Variants in HDAC9 observed in about 807,000 individuals in gnomAD.
HDAC9 encodes MEF-2 interacting transcription repressor (MITR) protein.
A neutral mutation model predicts 139.4 loss-of-function variants in HDAC9; 41 were observed. The ratio of observed to expected loss-of-function variants is 0.29; its 90% CI spans 0.23 to 0.38. The LOEUF (loss-of-function observed/expected upper bound fraction) is 0.38, where lower values mean the gene tolerates loss of function less well. Among genes scored for constraint, HDAC9 ranks in the 10% least tolerant of loss-of-function variants. The pLI is 1.00. For synonymous variants in HDAC9, 517 were observed against 476.2 expected, an observed-to-expected ratio of 1.09 and a Z score of -1.12; for missense variants, 1,147 against 1,297.0, an observed-to-expected ratio of 0.88 and a Z score of 1.78.
intron 17 of HDAC9, among the ~76,000 whole-genome samples, chr7:18,802,953 G>A (rs1793424408): frequency 6.6e-6 from 1 of 151,530 alleles, no homozygotes; most frequent in Non-Finnish European, 1.5e-5. Flanking sequence ...TTTTAATTGG[G>A]GAGTTCAATT....
At chr7:18,844,933 A>C (rs1241928430) in intron 21 of HDAC9, among the ~76,000 whole-genome samples, 2 of 152,156 alleles carry the variant, frequency 1.3e-5, no homozygotes, top group Non-Finnish European at 2.9e-5. Flanking sequence ...TGAAAACAGC[A>C]CTGTAGAAAT....
intron 1 of HDAC9, among the ~76,000 whole-genome samples, chr7:18,139,716 C>T (rs1351478858): frequency 6.6e-6 from 1 of 152,082 alleles, no homozygotes; most frequent in Non-Finnish European, 1.5e-5. Context: ...GGAGATTACT[C>T]TGATTATTCT....
chr7:18,520,021 G>A (rs749224209), intron 2 of HDAC9, among the ~76,000 whole-genome samples: 4 of 151,942 alleles, frequency 2.6e-5, no homozygotes, highest in Non-Finnish European at 4.4e-5. Flanking sequence ...CATGGTACTT[G>A]TTTCCATTAT....
intron 2 of HDAC9, among the ~76,000 whole-genome samples, chr7:18,282,980 T>TTTTTTTTTTTTTTTTTTTTTTG (rs1179585272): frequency 1.3e-5 from 2 of 151,368 alleles, no homozygotes; most frequent in African/African-American, 2.4e-5. Flanking sequence ...TTGAAATTTC[T>TTTTTTTTTTTTTTTTTTTTTTG]ATCTCAATTT....
At chr7:18,812,122 C>T (rs950755164) in intron 17 of HDAC9, among the ~76,000 whole-genome samples, 15 of 151,686 alleles carry the variant, frequency 9.9e-5, no homozygotes, top group Non-Finnish European at 1.5e-5. Flanking sequence ...TATATTGTTG[C>T]TTTTTTATTT....
At chr7:18,668,648 T>A (rs1211055915) in intron 12 of HDAC9, 2 of 983,498 alleles carry the variant, frequency 2.0e-6, no homozygotes, top group African/African-American at 3.5e-5. Context: ...CTGGAACCAG[T>A]GAAAAGGAAA....
intron 1 of HDAC9, among the ~76,000 whole-genome samples, chr7:18,395,788 C>G (rs974128726): frequency 6.6e-6 from 1 of 152,008 alleles, no homozygotes; most frequent in Non-Finnish European, 1.5e-5. Context: ...TCAGAGAAAG[C>G]CTAAAGCCTT....
At chr7:18,891,539 G>GT (rs1156673955) in intron 22 of HDAC9, among the ~76,000 whole-genome samples, 3 of 152,194 alleles carry the variant, frequency 2.0e-5, no homozygotes, top group Admixed American at 1.3e-4. Flanking sequence ...AAATCATTGA[G>GT]TACCAGGCTT....
At chr7:18,317,231 A>T (rs1799716409) in intron 1 of HDAC9, among the ~76,000 whole-genome samples, 1 of 151,806 alleles carries the variant, frequency 6.6e-6, no homozygotes, top group Non-Finnish European at 1.5e-5. Context: ...ATTAAAATAA[A>T]AATTCAGCCA....
At chr7:18,410,919 T>TAAAAG (rs1225775871) in intron 1 of HDAC9, among the ~76,000 whole-genome samples, 1 of 152,178 alleles carries the variant, frequency 6.6e-6, no homozygotes, top group Non-Finnish European at 1.5e-5. Context: ...AAGCTCAATG[T>TAAAAG]TATAGGAAAG....
chr7:18,877,776 A>C (rs1799430587), intron 22 of HDAC9, among the ~76,000 whole-genome samples: 1 of 152,170 alleles, frequency 6.6e-6, no homozygotes, highest in African/African-American at 2.4e-5. Flanking sequence ...AGGTGATTTA[A>C]AATTAAAGGT....
At chr7:18,186,412 C>A (rs1053417790) in intron 2 of HDAC9, among the ~76,000 whole-genome samples, 1 of 152,254 alleles carries the variant, frequency 6.6e-6, no homozygotes, top group Admixed American at 6.5e-5. Context: ...GCCGCTGGCA[C>A]CGGACTTGTG....
intron 2 of HDAC9, 109 bp downstream of exon 2, chr7:18,496,433 TG>T (rs1368160081): frequency 1.1e-6 from 1 of 922,818 alleles, no homozygotes; most frequent in Non-Finnish European, 1.7e-6. Flanking sequence ...TTTTTCGTGT[TG>T]ATGTTGCTAT....
rs1471180573 is a variant in HDAC9, at chr7:18,266,389, G to C, written c.25+104040G>C. Reference sequence around the variant, plus strand: ...CCAAATACTCAGGTCTGAATAATCAGTTAATTGAATCATTCAAGTAAAAAT... The same window carrying C: ...CCAAATACTCAGGTCTGAATAATCACTTAATTGAATCATTCAAGTAAAAAT... On this transcript the variant is annotated intron_variant, in intron 2 of 12. Coordinates refer to the HDAC9 transcript ENST00000417496. Among the ~76,000 whole-genome samples, 3 of 150,908 alleles carry C rather than the reference G, an allele frequency of 2.0e-5. No homozygotes were observed. The South Asian group carries it at 6.3e-4, about 32-fold the overall frequency.
intron 1 of HDAC9, among the ~76,000 whole-genome samples, chr7:18,138,412 G>T (rs1785611084): frequency 6.6e-6 from 1 of 152,066 alleles, no homozygotes; most frequent in Admixed American, 6.6e-5. Context: ...TGTAAGAAGG[G>T]TTTAGAACTC....
At chr7:18,751,658 C>A (rs1178167) in intron 14 of HDAC9, among the ~76,000 whole-genome samples, 30,486 of 151,818 alleles carry the variant, frequency 0.2, 3,326 homozygotes, top group East Asian at 0.4. Context: ...ATACCTAGGA[C>A]TTTAATGGCA....
chr7:18,335,904 A>G (rs576437862), intron 1 of HDAC9, among the ~76,000 whole-genome samples: 26 of 151,702 alleles, frequency 1.7e-4, no homozygotes, highest in African/African-American at 6.3e-4. Flanking sequence ...ATGAACTAGT[A>G]TATTTCAAGA....
chr7:18,962,178 G>A (rs1024876714), intron 24 of HDAC9, among the ~76,000 whole-genome samples: 2 of 152,134 alleles, frequency 1.3e-5, no homozygotes, highest in African/African-American at 2.4e-5. Flanking sequence ...TGAGTTTAAA[G>A]CCCTGACTGT....
Position 18,596,803 on chromosome 7 carries a change from G to T in HDAC9, c.664+2774G>T, listed in dbSNP as rs536304137. On this transcript the variant is annotated intron_variant, in intron 6 of 25. Transcript: ENST00000686413. Reference sequence around the variant, plus strand: ...AGTTGTTAAATGAGTGTATCCTATCGTTTGATCTATGTATGATACTATTTT... The same window carrying T: ...AGTTGTTAAATGAGTGTATCCTATCTTTTGATCTATGTATGATACTATTTT... 9.9e-5 allele frequency among the ~76,000 whole-genome samples: 15 copies of T among 152,138 alleles called. No homozygotes were observed. In the South Asian group the frequency reaches 2.7e-3, roughly 27 times the overall value.
Sources: allele counts gnomAD v4.1 joint callset (sites outside exome capture counted in the v4.1 genomes callset), GRCh38; gene constraint gnomAD v4.1.1; transcripts MANE v1.5; gene names NCBI Gene and HGNC (gene_info 2026-07-23, HGNC 2026-07-21).